Variants in CLASP2 observed in about 807,000 individuals in gnomAD.
CLASP2 encodes cytoplasmic linker associated protein 2, also known as CLIP-associating protein 2.
CLASP2 carries 47 observed loss-of-function variants against 194.4 expected under a neutral mutation model. The ratio of observed to expected loss-of-function variants is 0.24; its 90% CI spans 0.19 to 0.31. CLASP2 has a LOEUF of 0.31. CLASP2 is among the 10% of genes least tolerant of loss of function. CLASP2 has a pLI of 1.00. For synonymous variants in CLASP2, 619 were observed against 633.5 expected (o/e 0.98, Z 0.34); for missense variants, 1,445 against 1,823.6 (o/e 0.79, Z 3.78).
At chr3:33,599,520 A>G (rs1305383793) in intron 18 of CLASP2, among the ~76,000 whole-genome samples, 1 of 152,312 alleles carries the variant, frequency 6.6e-6, no homozygotes, top group East Asian at 1.9e-4. Flanking sequence ...CATAAAACGC[A>G]ACAAACTTTT....
intron 22 of CLASP2, 42 bp from the exon 23 acceptor site, chr3:33,581,970 C>T (rs1173697693): frequency 1.4e-6 from 2 of 1,397,046 alleles, no homozygotes; most frequent in South Asian, 1.2e-5. Context: ...AGGGAGAAAA[C>T]AGAACAGAGT....
At chr3:33,688,136 C>T (rs1282519334) in intron 4 of CLASP2, 141 bp downstream of exon 4, 1 of 554,546 alleles carries the variant, frequency 1.8e-6, no homozygotes, top group African/African-American at 2.0e-5. Flanking sequence ...AAAAAATGAA[C>T]AGTAAAGGTA....
chr3:33,514,312 T>C (rs1487251215), intron 36 of CLASP2, among the ~76,000 whole-genome samples: 1 of 152,134 alleles, frequency 6.6e-6, no homozygotes, highest in African/African-American at 2.4e-5. Context: ...ATGTTACCTC[T>C]AGCTGACCAC....
intron 14 of CLASP2, among the ~76,000 whole-genome samples, 156 bp downstream of exon 14, chr3:33,608,411 G>C (rs954342042): frequency 6.6e-6 from 1 of 152,152 alleles, no homozygotes; most frequent in African/African-American, 2.4e-5. Context: ...GTTGTAATGA[G>C]TAAGAGGAGC....
At chr3:33,659,997 T>G (rs2085013224) in intron 7 of CLASP2, among the ~76,000 whole-genome samples, 1 of 152,230 alleles carries the variant, frequency 6.6e-6, no homozygotes, top group Non-Finnish European at 1.5e-5. Context: ...AGAACAATTC[T>G]TTTCCTAGCA....
At chr3:33,603,267 A>AT in intron 17 of CLASP2, 142 bp from the exon 18 acceptor site, 1 of 812,454 alleles carries the variant, frequency 1.2e-6, no homozygotes, top group South Asian at 2.3e-5. Flanking sequence ...ACTATTAAGC[A>AT]TTTTAAAGTC....
chr3:33,549,154 T>G (rs923649066), intron 30 of CLASP2, among the ~76,000 whole-genome samples: 2 of 152,194 alleles, frequency 1.3e-5, no homozygotes, highest in South Asian at 4.1e-4. Flanking sequence ...AGCTAAAGGT[T>G]TGTCAATTTT....
At chr3:33,681,657 A>G (rs1296059731) in intron 6 of CLASP2, among the ~76,000 whole-genome samples, 2 of 152,172 alleles carry the variant, frequency 1.3e-5, no homozygotes, top group African/African-American at 4.8e-5. Flanking sequence ...GGAGTACATA[A>G]AGGTTTTAAA....
intron 1 of CLASP2, among the ~76,000 whole-genome samples, chr3:33,701,727 C>T (rs9851979): frequency 6.6e-6 from 1 of 152,124 alleles, no homozygotes; most frequent in Non-Finnish European, 1.5e-5. Flanking sequence ...TATACTTTTT[C>T]AATAAATGGT....
rs529124670 is a variant in CLASP2, at chr3:33,580,851, T to C, written c.2347+970A>G. On this transcript the variant is annotated intron_variant, in intron 23 of 38. Coordinates refer to ENST00000682230, the MANE Select transcript of CLASP2 (RefSeq NM_001365631.1). ...TAACACGGTGAAACACCGTCTCTAC[T>C]GAAAATACAAAAAAATTAGCCGGGC... Among the ~76,000 whole-genome samples the C allele has an allele frequency of 1.3e-4, 19 of 150,544 alleles. No individual in the cohort carries two copies. The South Asian group carries it at 2.3e-3, about 18-fold the overall frequency.
At chr3:33,540,933 C>T (rs1326172203) in intron 32 of CLASP2, among the ~76,000 whole-genome samples, 11 of 152,030 alleles carry the variant, frequency 7.2e-5, no homozygotes, top group African/African-American at 7.2e-5. Flanking sequence ...CCACCACACT[C>T]GGCTAATTTT....
At chr3:33,559,428 C>A in intron 28 of CLASP2, 43 bp from the exon 29 acceptor site, 1 of 1,166,232 alleles carries the variant, frequency 8.6e-7, no homozygotes. Context: ...ATTTAGTTAG[C>A]AAGTACGCAT....
intron 2 of CLASP2, among the ~76,000 whole-genome samples, chr3:33,695,220 A>ATTTCTT (rs2091754366): frequency 1.9e-5 from 2 of 103,840 alleles, no homozygotes; most frequent in Admixed American, 2.5e-4. Flanking sequence ...AAGCCTGCTA[A>ATTTCTT]TTTTTTTTTT....
chr3:33,520,009 ATCTC>A (rs956624735), intron 34 of CLASP2, among the ~76,000 whole-genome samples: 12 of 152,086 alleles, frequency 7.9e-5, no homozygotes, highest in African/African-American at 2.9e-4. Flanking sequence ...TTGATATGTT[ATCTC>A]TCTCTTTTCT....
At position 33,644,838 on chromosome 3, in the gene CLASP2, T is replaced by C; in HGVS notation, c.781A>G (p.Lys261Glu). Residue 261 changes from lysine (K) to glutamate (E), a missense_variant, in exon 8 of 39, where the codon AAG becomes GAG. By Grantham distance (56) the Lys-to-Glu change is moderately conservative. Coordinates refer to ENST00000682230, the MANE Select transcript of CLASP2 (RefSeq NM_001365631.1). ...CCGGATGTTTTAGGTGCAGGAACCT[T>C]GAAGGCTGATGCAGCTGATGATGGC... Reference protein sequence around the residue: ...NRPSSAASAFKVPAPKTSGNP... With the variant: ...NRPSSAASAFEVPAPKTSGNP... 6.2e-7 allele frequency: 1 copy of C among 1,611,648 alleles called. No homozygotes were observed. Among genetic ancestry groups the C allele is most frequent in the Non-Finnish European group, 8.5e-7 (1 of 1,178,818 alleles).
chr3:33,651,767 C>A (rs1436676126), intron 7 of CLASP2, among the ~76,000 whole-genome samples: 4 of 150,096 alleles, frequency 2.7e-5, no homozygotes, highest in African/African-American at 9.8e-5. Context: ...TCAAGCGATT[C>A]CACTGCTTCA....
intron 34 of CLASP2, among the ~76,000 whole-genome samples, chr3:33,519,097 G>C (rs1206792834): frequency 6.6e-6 from 1 of 152,182 alleles, no homozygotes; most frequent in Non-Finnish European, 1.5e-5. Flanking sequence ...CTAGAATACA[G>C]TAAGATCATT....
intron 34 of CLASP2, among the ~76,000 whole-genome samples, chr3:33,526,073 G>T (rs1012962775): frequency 6.6e-5 from 10 of 151,786 alleles, no homozygotes; most frequent in African/African-American, 1.7e-4. Flanking sequence ...TGCTGCTGCT[G>T]CTTCTTCTTT....
At chr3:33,647,801 G>C (rs532456890) in intron 7 of CLASP2, among the ~76,000 whole-genome samples, 1 of 152,138 alleles carries the variant, frequency 6.6e-6, no homozygotes, top group Non-Finnish European at 1.5e-5. Flanking sequence ...TTGGGAGGCC[G>C]AGGCAGGTGG....
Sources: allele counts gnomAD v4.1 joint callset (sites outside exome capture counted in the v4.1 genomes callset), GRCh38; gene constraint gnomAD v4.1.1; transcripts MANE v1.5; gene names NCBI Gene and HGNC (gene_info 2026-07-23, HGNC 2026-07-21).